MARCHF6: variants seen among roughly 807,000 people sequenced by gnomAD.
The protein encoded by MARCHF6 is membrane associated ring-CH-type finger 6.
In MARCHF6, 31 loss-of-function variants were observed where a neutral mutation model predicts 133.7. The observed-to-expected ratio is 0.23, with a 90% CI of 0.17 to 0.31. The LOEUF is 0.31. Ranked by LOEUF, MARCHF6 falls within the 10% of genes least tolerant of loss-of-function variation. MARCHF6 has a pLI of 1.00. For synonymous variants in MARCHF6, 395 were observed against 402.5 expected, an observed-to-expected ratio of 0.98 and a Z score of 0.22; for missense variants, 723 against 1,121.6, an observed-to-expected ratio of 0.64 and a Z score of 5.08.
intron 1 of MARCHF6, among the ~76,000 whole-genome samples, chr5:10,365,946 A>G (rs905527242): frequency 4.0e-5 from 6 of 151,672 alleles, no homozygotes; most frequent in East Asian, 1.9e-4. Context: ...ACATATATAT[A>G]CTTTTTTTTT....
At chr5:10,376,361 C>G (rs1405670983) in intron 1 of MARCHF6, among the ~76,000 whole-genome samples, 2 of 151,816 alleles carry the variant, frequency 1.3e-5, no homozygotes, top group African/African-American at 2.4e-5. Flanking sequence ...CCTGAGCCAG[C>G]GAGACCACGA....
chr5:10,429,827 C>T, intron 24 of MARCHF6, 66 bp from the exon 25 acceptor site: 3 of 1,340,266 alleles, frequency 2.2e-6, no homozygotes, highest in African/African-American at 1.4e-5. Flanking sequence ...AGGGGAAGGA[C>T]ATGTTTACGT....
In MARCHF6 at chr5:10,436,260, G is replaced by C. The variant is rs1740650713; in HGVS notation, c.*2576G>C. On this transcript the variant is annotated 3_prime_UTR_variant, in exon 26 of 26. Transcript: ENST00000274140. Reference sequence around the variant, plus strand: ...AAAATTGCCCTCCATTTTACTGGCAGGTAATTTATATTGTCTTACTTAAGA... The same window carrying C: ...AAAATTGCCCTCCATTTTACTGGCACGTAATTTATATTGTCTTACTTAAGA... 6.6e-6 allele frequency: 1 copy of C among 152,104 alleles called. No homozygotes were observed. The allele number at this position is 152,104 out of a possible 1,614,324, so 9.4% of individuals were successfully genotyped here. A position where few individuals can be genotyped will look rare whatever the true frequency, so the allele number is the denominator to read the frequency against.
chr5:10,403,337 G>A, intron 14 of MARCHF6, 70 bp from the exon 15 acceptor site: 1 of 1,463,036 alleles, frequency 6.8e-7, no homozygotes, highest in African/African-American at 1.4e-5. Context: ...TTATTTCCTA[G>A]AAGATGAAAA....
At chr5:10,384,681 A>C (rs1412879144) in intron 4 of MARCHF6, among the ~76,000 whole-genome samples, 1 of 152,216 alleles carries the variant, frequency 6.6e-6, no homozygotes, top group East Asian at 1.9e-4. Flanking sequence ...GACTAAAAAT[A>C]AAAAGAGTAG....
chr5:10,424,660 C>T (rs1739992897), intron 23 of MARCHF6, among the ~76,000 whole-genome samples: 1 of 152,246 alleles, frequency 6.6e-6, no homozygotes, highest in South Asian at 2.1e-4. Context: ...AATGAAAATA[C>T]GTGCTTTTTT....
intron 9 of MARCHF6, among the ~76,000 whole-genome samples, chr5:10,396,261 C>CT (rs1684770947): frequency 6.6e-6 from 1 of 152,042 alleles, no homozygotes; most frequent in Admixed American, 6.5e-5. Context: ...GTTTTGGAGT[C>CT]TCAGTGACAA....
intron 16 of MARCHF6, 56 bp from the exon 17 acceptor site, chr5:10,407,046 C>T (rs1281061829): frequency 2.2e-5 from 21 of 967,726 alleles, no homozygotes; most frequent in Admixed American, 1.7e-4. Context: ...GTCTGCCTGT[C>T]TTGCACAGGA....
intron 11 of MARCHF6, 100 bp downstream of exon 11, chr5:10,400,942 C>A: frequency 3.1e-6 from 3 of 963,354 alleles, no homozygotes; most frequent in Non-Finnish European, 4.9e-6. Context: ...TCTTCATTGG[C>A]ATTATGCAAG....
At chr5:10,384,105 A>G (rs1371803967) in intron 4 of MARCHF6, among the ~76,000 whole-genome samples, 1 of 152,196 alleles carries the variant, frequency 6.6e-6, no homozygotes, top group Non-Finnish European at 1.5e-5. Context: ...GGCCGTACAG[A>G]AAAAAAGAAT....
In MARCHF6 at chr5:10,438,068, A is replaced by T. The variant is rs151289135; in HGVS notation, c.*4384A>T. 2.1e-4 allele frequency: 32 copies of T among 152,556 alleles called. No individual in the cohort carries two copies. Among genetic ancestry groups the T allele is most frequent in the African/African-American group, 7.7e-4 (32 of 41,562 alleles). 9.5% of individuals were successfully genotyped at this position (152,556 alleles called of 1,614,324 possible). A position where few individuals can be genotyped will look rare whatever the true frequency, so the allele number is the denominator to read the frequency against. ...TCTGTCTCCCTAACTTGAACTGTAG[A>T]CCGTCCTCACTGGGAAGAGTAAGGC... On this transcript the variant is annotated 3_prime_UTR_variant, in exon 26 of 26. Transcript: ENST00000274140.
In MARCHF6 at chr5:10,433,774, C is replaced by T. The variant is rs1486621813; in HGVS notation, c.*90C>T. 4 of 1,083,726 alleles carry T rather than the reference C, an allele frequency of 3.7e-6. No individual in the cohort carries two copies. Among genetic ancestry groups the T allele is most frequent in the Non-Finnish European group, 2.8e-6 (2 of 708,882 alleles). The allele number at this position is 1,083,726 out of a possible 1,614,324, so 67.1% of individuals were successfully genotyped here. A position where few individuals can be genotyped will look rare whatever the true frequency, so the allele number is the denominator to read the frequency against. On this transcript the variant is annotated 3_prime_UTR_variant, in exon 26 of 26. Coordinates refer to ENST00000274140, the MANE Select transcript of MARCHF6 (RefSeq NM_005885.4). ...GAGATTTTTCCCAGTGATCTCTCAG[C>T]GTTGTTTTTAAGTTAAATGTATTTG...
chr5:10,425,567 A>G (rs184643633), intron 23 of MARCHF6, among the ~76,000 whole-genome samples: 1 of 152,228 alleles, frequency 6.6e-6, no homozygotes, highest in South Asian at 2.1e-4. Context: ...TGGGTTAACT[A>G]GGTGTCTTTG....
chr5:10,420,593 A>G (rs1739774435), intron 22 of MARCHF6, among the ~76,000 whole-genome samples: 1 of 152,258 alleles, frequency 6.6e-6, no homozygotes, highest in Admixed American at 6.5e-5. Flanking sequence ...CCATCTTGGC[A>G]CTGTTAGCCA....
intron 20 of MARCHF6, 44 bp from the exon 21 acceptor site, chr5:10,415,444 T>C (rs1182505796): frequency 5.8e-6 from 9 of 1,542,534 alleles, no homozygotes; most frequent in Non-Finnish European, 8.0e-6. Flanking sequence ...GACAATTCTC[T>C]TTACCTAGCC....
In MARCHF6 at chr5:10,438,450, G is replaced by A. The variant is rs1194997050; in HGVS notation, c.*4766G>A. The stretch of plus-strand genomic sequence containing the variant: ...CGAACCATAGACATCTTTAATCTGT[G>A]AAGCTGAAATTTTTCAGCAAAGGAA... On this transcript the variant is annotated 3_prime_UTR_variant, in exon 26 of 26. Transcript: ENST00000274140. 6.6e-6 allele frequency: 1 copy of A among 152,166 alleles called. No homozygotes were observed. Among genetic ancestry groups the A allele is most frequent in the African/African-American group, 2.4e-5 (1 of 41,444 alleles). 9.4% of individuals were successfully genotyped at this position (152,166 alleles called of 1,614,324 possible).
rs534214244 is a variant in MARCHF6, at chr5:10,361,707, G to T, written c.19+7790G>T. ...CCATGATAGACATGAATTCTTGAAG[G>T]CTTGGAAGACTGAAGCATTCCCTGT... On this transcript the variant is annotated intron_variant, in intron 1 of 25. Transcript: ENST00000274140. Among the ~76,000 whole-genome samples, 14 of 152,226 alleles carry T rather than the reference G, an allele frequency of 9.2e-5. No individual in the cohort carries two copies. In the South Asian group the frequency reaches 1.2e-3, roughly 14 times the overall value.
At chr5:10,404,780 C>T (rs986023413) in intron 15 of MARCHF6, among the ~76,000 whole-genome samples, 4 of 152,120 alleles carry the variant, frequency 2.6e-5, no homozygotes, top group African/African-American at 7.2e-5. Flanking sequence ...CTGAATCATA[C>T]GGTATAATTT....
In MARCHF6 at chr5:10,428,904, T is replaced by C. The variant is rs557060762; in HGVS notation, c.2507-989T>C. Among the ~76,000 whole-genome samples the C allele has an allele frequency of 1.6e-4, 25 of 152,276 alleles. No individual in the cohort carries two copies. In the South Asian group the frequency reaches 4.6e-3, roughly 28 times the overall value. On this transcript the variant is annotated intron_variant, in intron 24 of 25. Transcript: ENST00000274140. Reference sequence around the variant, plus strand: ...GGGAAAAAGAGTGGCAAATGAAAAATGTTGGTACCTGTTTTGCCCTGTTTA... The same window carrying C: ...GGGAAAAAGAGTGGCAAATGAAAAACGTTGGTACCTGTTTTGCCCTGTTTA...
Sources: allele counts gnomAD v4.1 joint callset (sites outside exome capture counted in the v4.1 genomes callset), GRCh38; gene constraint gnomAD v4.1.1; transcripts MANE v1.5; gene names NCBI Gene and HGNC (gene_info 2026-07-23, HGNC 2026-07-21).